The following MGAT4C variants were observed in gnomAD, a reference collection of about 807,000 sequenced individuals.
The protein encoded by MGAT4C is MGAT4 family member C.
In MGAT4C, 19 loss-of-function variants were observed where a neutral mutation model predicts 40.1. The observed-to-expected ratio is 0.47, with a 90% confidence interval of 0.33 to 0.70. The LOEUF (loss-of-function observed/expected upper bound fraction) is 0.70, where lower values mean the gene tolerates loss of function less well. Ranked by LOEUF, MGAT4C falls within the 30% of genes least tolerant of loss-of-function variation. The pLI is 0.02. For missense variants in MGAT4C, 491 were observed against 563.2 expected (o/e 0.87, Z 1.30); for synonymous variants, 181 against 187.1 (o/e 0.97, Z 0.27).
In MGAT4C at chr12:85,960,988, T is replaced by C. The variant is rs1427958720; in HGVS notation, c.*18301A>G. ...GCATTTTTAAACAAGACAGTCAACT[T>C]ACTATTTAAAAAACAAAGTCAGTCA... On this transcript the variant is annotated 3_prime_UTR_variant, in exon 5 of 5. Transcript: ENST00000611864. 6.6e-6 allele frequency: 1 copy of C among 152,008 alleles called. No homozygotes were observed. The highest frequency in any genetic ancestry group is 1.5e-5 in the Non-Finnish European group (1 of 67,878). 9.4% of individuals were successfully genotyped at this position (152,008 alleles called of 1,614,324 possible). A position where few individuals can be genotyped will look rare whatever the true frequency, so the allele number is the denominator to read the frequency against.
intron 2 of MGAT4C, among the ~76,000 whole-genome samples, chr12:86,587,022 T>A (rs991791479): frequency 6.6e-6 from 1 of 152,174 alleles, no homozygotes; most frequent in Admixed American, 6.6e-5. Context: ...CATGAAGTCC[T>A]TGTCCATGCC....
chr12:86,687,795 A>C (rs1593115966), intron 2 of MGAT4C, among the ~76,000 whole-genome samples: 1 of 152,318 alleles, frequency 6.6e-6, no homozygotes, highest in Non-Finnish European at 1.5e-5. Context: ...GGTGCGGAGA[A>C]GAATGTATAT....
At chr12:86,370,349 C>T (rs970494390) in intron 3 of MGAT4C, among the ~76,000 whole-genome samples, 1 of 151,996 alleles carries the variant, frequency 6.6e-6, no homozygotes, top group African/African-American at 2.4e-5. Context: ...AAATAGATAT[C>T]TTCAGCATGA....
intron 2 of MGAT4C, among the ~76,000 whole-genome samples, chr12:85,996,523 A>C (rs1886637949): frequency 6.6e-6 from 1 of 152,212 alleles, no homozygotes; most frequent in African/African-American, 2.4e-5. Context: ...TTCGGCAACA[A>C]TAGACAACTG....
intron 3 of MGAT4C, among the ~76,000 whole-genome samples, chr12:86,405,796 A>G (rs1956454550): frequency 6.6e-6 from 1 of 151,080 alleles, no homozygotes; most frequent in Non-Finnish European, 1.5e-5. Context: ...GACCCCAGAA[A>G]TTAATTTACA....
chr12:86,825,880 AATAAGG>A (rs1952796672), intron 1 of MGAT4C, among the ~76,000 whole-genome samples: 1 of 151,470 alleles, frequency 6.6e-6, no homozygotes, highest in Non-Finnish European at 1.5e-5. Context: ...AACACATGAA[AATAAGG>A]GGTCTTGGAG....
chr12:85,980,752 T>A (rs1031011693), intron 4 of MGAT4C, among the ~76,000 whole-genome samples: 1 of 152,090 alleles, frequency 6.6e-6, no homozygotes, highest in African/African-American at 2.4e-5. Context: ...TATTCTCATA[T>A]ACGCCCATTA....
intron 2 of MGAT4C, among the ~76,000 whole-genome samples, chr12:86,557,987 C>T (rs1166965976): frequency 6.6e-6 from 1 of 151,360 alleles, no homozygotes; most frequent in East Asian, 1.9e-4. Flanking sequence ...AAATTCTAAG[C>T]TGAATAAAAA....
chr12:86,178,097 C>T (rs1050186010), intron 1 of MGAT4C, among the ~76,000 whole-genome samples: 11 of 152,096 alleles, frequency 7.2e-5, no homozygotes, highest in South Asian at 2.1e-4. Context: ...CCACCATGCC[C>T]GGCTAATTTT....
chr12:86,381,363 G>A (rs764209756), intron 3 of MGAT4C, among the ~76,000 whole-genome samples: 2 of 152,198 alleles, frequency 1.3e-5, no homozygotes, highest in Non-Finnish European at 2.9e-5. Flanking sequence ...AATCTGAGAA[G>A]CTGATGGTGT....
At chr12:86,433,857 T>A (rs924449486) in intron 3 of MGAT4C, among the ~76,000 whole-genome samples, 2 of 152,084 alleles carry the variant, frequency 1.3e-5, no homozygotes, top group African/African-American at 2.4e-5. Flanking sequence ...ACCTTCACTA[T>A]GAATTCATTA....
intron 2 of MGAT4C, among the ~76,000 whole-genome samples, chr12:86,700,975 A>T (rs1172069567): frequency 1.3e-5 from 2 of 152,126 alleles, no homozygotes; most frequent in Admixed American, 1.3e-4. Flanking sequence ...TTTTCCAAGA[A>T]ATATAAATGC....
intron 3 of MGAT4C, among the ~76,000 whole-genome samples, chr12:86,423,339 T>C (rs1272424120): frequency 6.6e-6 from 1 of 151,678 alleles, no homozygotes; most frequent in Non-Finnish European, 1.5e-5. Context: ...CATAAAATTA[T>C]GGAAGTTGGA....
At chr12:86,121,825 C>T (rs1319414442) in intron 1 of MGAT4C, among the ~76,000 whole-genome samples, 1 of 152,164 alleles carries the variant, frequency 6.6e-6, no homozygotes, top group Non-Finnish European at 1.5e-5. Context: ...TAACCCCCTG[C>T]ATACATGTAA....
At chr12:86,110,300 C>CTATATATA (rs1212728296) in intron 1 of MGAT4C, among the ~76,000 whole-genome samples, 2 of 12,216 alleles carry the variant, frequency 1.6e-4, no homozygotes, top group African/African-American at 4.3e-4. Flanking sequence ...TATAGTCTCT[C>CTATATATA]TATATATATA....
intron 3 of MGAT4C, among the ~76,000 whole-genome samples, chr12:86,409,640 G>T (rs553893944): frequency 6.6e-6 from 1 of 152,232 alleles, no homozygotes; most frequent in South Asian, 2.1e-4. Context: ...TGTAGCCAAG[G>T]ATAATTATTT....
intron 1 of MGAT4C, among the ~76,000 whole-genome samples, chr12:86,812,876 C>T (rs1952504624): frequency 6.6e-6 from 1 of 152,114 alleles, no homozygotes; most frequent in African/African-American, 2.4e-5. Context: ...TGGTCACTAA[C>T]TGATGCCAGA....
At chr12:86,283,909 T>C (rs1566257314) in intron 4 of MGAT4C, among the ~76,000 whole-genome samples, 1 of 152,140 alleles carries the variant, frequency 6.6e-6, no homozygotes, top group Non-Finnish European at 1.5e-5. Flanking sequence ...TGCTAAGGCA[T>C]TGCTGCCTCA....
intron 1 of MGAT4C, among the ~76,000 whole-genome samples, chr12:86,755,501 C>A (rs145527406): frequency 6.6e-6 from 1 of 152,044 alleles, no homozygotes; most frequent in Admixed American, 6.6e-5. Flanking sequence ...ATTTTCTCAC[C>A]CCAGTGCTAA....
Sources: gnomAD v4.1 joint callset for allele counts (sites outside exome capture counted in the v4.1 genomes callset) on GRCh38, gnomAD v4.1.1 for gene constraint, MANE v1.5 for transcripts, NCBI Gene and HGNC (gene_info 2026-07-23, HGNC 2026-07-21) for gene names.